The following NKTR variants were observed in gnomAD, a reference collection of about 807,000 sequenced individuals.
NKTR encodes NK-tumor recognition protein.
NKTR carries 67 observed loss-of-function variants against 156.3 expected under a neutral mutation model. The observed-to-expected ratio is 0.43, with a 90% confidence interval of 0.35 to 0.53. NKTR has a LOEUF of 0.53. NKTR is among the 20% of genes least tolerant of loss of function. The pLI is 0.01. For missense variants in NKTR, 1,604 were observed against 1,730.9 expected (o/e 0.93, Z 1.30); for synonymous variants, 640 against 596.6 (o/e 1.07, Z -1.06).
chr3:42,631,890 G>T (rs1447806774), intron 8 of NKTR, among the ~76,000 whole-genome samples: 1 of 152,000 alleles, frequency 6.6e-6, no homozygotes, highest in Non-Finnish European at 1.5e-5. Context: ...ATTTTGTGCT[G>T]CCTATTCTCT....
Position 42,634,712 on chromosome 3 carries a change from A to G in NKTR, c.1017+12A>G. 1 of 1,493,294 alleles carries G rather than the reference A, an allele frequency of 6.7e-7. No homozygotes were observed. The highest frequency in any genetic ancestry group is 9.2e-7 in the Non-Finnish European group (1 of 1,091,662). The allele number at this position is 1,493,294 out of a possible 1,614,324, so 92.5% of individuals were successfully genotyped here. ...GAAGGGGCACAATTGTATGTGTGAT[A>G]AGACTTTTTTTGATATTATGTATCT... On this transcript the variant is annotated intron_variant, in intron 11 of 16. Coordinates refer to ENST00000232978, the MANE Select transcript of NKTR (RefSeq NM_005385.4).
chr3:42,645,590 A>AGGAGAATCACTTGAACCC (rs796268702), intron 16 of NKTR, among the ~76,000 whole-genome samples: 5 of 152,298 alleles, frequency 3.3e-5, no homozygotes, highest in African/African-American at 1.2e-4. Flanking sequence ...AGGCTGAGGC[A>AGGAGAATCACTTGAACCC]GGAGAATCAC....
intron 10 of NKTR, 48 bp downstream of exon 10, chr3:42,633,783 G>A: frequency 1.9e-6 from 3 of 1,606,726 alleles, no homozygotes; most frequent in Non-Finnish European, 2.6e-6. Context: ...CGATAACACT[G>A]TTCCGTCAGC....
At position 42,643,374 on chromosome 3, in the gene NKTR, A is replaced by G. The variant is rs757212585; in HGVS notation, c.4178A>G (p.Tyr1393Cys). Reference protein sequence around the residue: ...SSRSRSRSSSYDPHSRSRSYT... With the variant: ...SSRSRSRSSSCDPHSRSRSYT... ...AGGAGCAGATCCAGGAGCAGCTCATATGATCCCCACAGTCGATCCAGGTAT... is the reference window on the plus strand; with the variant it reads ...AGGAGCAGATCCAGGAGCAGCTCATGTGATCCCCACAGTCGATCCAGGTAT... Residue 1393 changes from tyrosine (Y) to cysteine (C), a missense_variant, in exon 15 of 17, where the codon TAT (tyrosine) becomes TGT (cysteine). Around this residue, in one of 6 missense-constraint regions of NKTR, gnomAD observed 193 missense variants for 220.2 expected, o/e 0.88. Coordinates refer to ENST00000232978, the MANE Select transcript of NKTR (RefSeq NM_005385.4). 2 of 1,614,106 alleles carry G rather than the reference A, an allele frequency of 1.2e-6. No homozygotes were observed. Among genetic ancestry groups the G allele is most frequent in the Non-Finnish European group, 1.7e-6 (2 of 1,179,942 alleles).
At chr3:42,630,651 G>A (rs1708811198) in intron 7 of NKTR, 76 bp downstream of exon 7, 1 of 1,599,106 alleles carries the variant, frequency 6.3e-7, no homozygotes, top group African/African-American at 1.3e-5. Flanking sequence ...CCATGGTTGA[G>A]CCCTCAAGGG....
At chr3:42,629,091 T>G in intron 6 of NKTR, 1 of 958,994 alleles carries the variant, frequency 1.0e-6, no homozygotes, top group Non-Finnish European at 1.2e-6. Flanking sequence ...TTGTCTTTAG[T>G]GTACTTTGGT....
Position 42,639,264 on chromosome 3 carries a change from T to C in NKTR, c.3560T>C (p.Val1187Ala). 6.2e-7 allele frequency: 1 copy of C among 1,613,788 alleles called. No individual in the cohort carries two copies. Among genetic ancestry groups the C allele is most frequent in the Non-Finnish European group, 8.5e-7 (1 of 1,179,956 alleles). Residue 1187 changes from valine to alanine, a missense_variant, in exon 13 of 17, where the codon GTG becomes GCG. Physicochemically the swap from Val to Ala is moderately conservative, Grantham distance 64. This residue lies in a region of NKTR where 1,255 missense variants were observed against 1,243.7 expected (regional missense o/e 1.01). Transcript: ENST00000232978. ...GAAAGCAGCATGTCCGAAAGTAAAG[T>C]GTTGGGTGAAGTGGGGAAACAGGAC... Reference protein sequence around the residue: ...KQESSMSESKVLGEVGKQDSS... With the variant: ...KQESSMSESKALGEVGKQDSS...
At chr3:42,630,984 T>G in intron 7 of NKTR, 187 bp from the exon 8 acceptor site, 1 of 1,415,042 alleles carries the variant, frequency 7.1e-7, no homozygotes, top group East Asian at 2.6e-5. Flanking sequence ...GAGGCCCAGT[T>G]TGCATAATCG....
intron 9 of NKTR, chr3:42,633,304 AGT>A (rs1709082260): frequency 9.2e-7 from 1 of 1,085,848 alleles, no homozygotes; most frequent in Admixed American, 4.3e-5. Flanking sequence ...AGACCCCTAA[AGT>A]ACTGGGATTA....
At chr3:42,620,491 C>G in intron 5 of NKTR, 5 of 982,586 alleles carry the variant, frequency 5.1e-6, no homozygotes, top group Non-Finnish European at 6.0e-6. Context: ...ATAATAGCTT[C>G]AGTGTTATAA....
intron 2 of NKTR, among the ~76,000 whole-genome samples, chr3:42,616,125 C>G (rs1707344672): frequency 6.6e-6 from 1 of 152,108 alleles, no homozygotes; most frequent in Non-Finnish European, 1.5e-5. Flanking sequence ...CAGGAACTGA[C>G]CGATATGGCC....
At chr3:42,625,347 CAAGAT>C (rs896005590) in intron 6 of NKTR, among the ~76,000 whole-genome samples, 2 of 151,512 alleles carry the variant, frequency 1.3e-5, no homozygotes, top group African/African-American at 4.9e-5. Flanking sequence ...TGTAAGAAAA[CAAGAT>C]AATATAGAAG....
chr3:42,618,763 A>AT (rs1707638921), intron 3 of NKTR, among the ~76,000 whole-genome samples: 2 of 152,206 alleles, frequency 1.3e-5, no homozygotes, highest in African/African-American at 2.4e-5. Flanking sequence ...GACTAGAGTG[A>AT]TAAGTGTGTC....
In NKTR at chr3:42,637,459, A is replaced by G; in HGVS notation, c.1755A>G (p.Leu585=). ...SENKPVKTEP[L]RATMAQNENV... ...ATAAACCAGTTAAAACAGAACCTTT[A>G]AGAGCAACCATGGCACAAAATGAAA... The change falls in exon 13 of 17, where the codon TTA becomes TTG. Residue 585 remains leucine (L), a synonymous_variant. Coordinates refer to ENST00000232978, the MANE Select transcript of NKTR (RefSeq NM_005385.4). 1 of 1,613,350 alleles carries G rather than the reference A, an allele frequency of 6.2e-7. No individual in the cohort carries two copies. Among genetic ancestry groups the G allele is most frequent in the Non-Finnish European group, 8.5e-7 (1 of 1,179,804 alleles).
intron 8 of NKTR, 24 bp downstream of exon 8, chr3:42,631,340 T>G: frequency 6.2e-7 from 1 of 1,610,632 alleles, no homozygotes; most frequent in Non-Finnish European, 8.5e-7. Context: ...TGACAGTAGA[T>G]GAAGCTAAGA....
At chr3:42,627,478 A>G in intron 6 of NKTR, 3 of 985,320 alleles carry the variant, frequency 3.0e-6, no homozygotes, top group Non-Finnish European at 3.6e-6. Context: ...AGTTTATAGT[A>G]TGGTTTTAGT....
intron 2 of NKTR, among the ~76,000 whole-genome samples, chr3:42,613,757 TA>T (rs760568410): frequency 1.3e-5 from 2 of 152,238 alleles, no homozygotes; most frequent in Non-Finnish European, 2.9e-5. Context: ...AGTCAAAGCT[TA>T]ACATGTGTTG....
At chr3:42,621,148 A>G in intron 5 of NKTR, 2 of 1,016,990 alleles carry the variant, frequency 2.0e-6, no homozygotes, top group Non-Finnish European at 2.4e-6. Flanking sequence ...TTTAAATATC[A>G]TTTAGCCAAA....
Position 42,639,343 on chromosome 3 carries a change from G to T in NKTR, c.3639G>T (p.Val1213=). The part of the protein sequence containing the change: ...SAGESTGKKE[V]AEKSQINLID... ...GAGAAAGTACCGGGAAGAAGGAGGT[G>T]GCTGAGAAGAGCCAGATCAACCTCA... Residue 1213 remains valine (V), a synonymous_variant, in exon 13 of 17, where the codon GTG becomes GTT. Transcript: ENST00000232978. 6.2e-7 allele frequency: 1 copy of T among 1,614,106 alleles called. No homozygotes were observed. Among genetic ancestry groups the T allele is most frequent in the Non-Finnish European group, 8.5e-7 (1 of 1,180,022 alleles).
Sources: allele counts gnomAD v4.1 joint callset (sites outside exome capture counted in the v4.1 genomes callset), GRCh38; gene constraint gnomAD v4.1.1; regional missense constraint gnomAD v4.1.1; transcripts MANE v1.5; gene names NCBI Gene and HGNC (gene_info 2026-07-23, HGNC 2026-07-21).